BACH2: variants seen among roughly 807,000 people sequenced by gnomAD.
The protein encoded by BACH2 is BACH transcriptional regulator 2.
Under a neutral mutation model 61.8 loss-of-function variants are expected in BACH2, and 5 were observed. The ratio of observed to expected loss-of-function variants is 0.08; its 90% CI spans 0.04 to 0.17. BACH2 has a LOEUF of 0.17. BACH2 is among the 10% of genes least tolerant of loss of function. BACH2 has a pLI of 1.00. For synonymous variants in BACH2, 446 were observed against 440.1 expected, an observed-to-expected ratio of 1.01 and a Z score of -0.17; for missense variants, 824 against 1,091.1, an observed-to-expected ratio of 0.76 and a Z score of 3.45.
At chr6:90,025,165 G>A (rs1414754082) in intron 5 of BACH2, among the ~76,000 whole-genome samples, 1 of 152,230 alleles carries the variant, frequency 6.6e-6, no homozygotes, top group Non-Finnish European at 1.5e-5. Flanking sequence ...ATTACTGTTA[G>A]TGGTGGTTGG....
chr6:89,980,684 C>G (rs551245280), intron 6 of BACH2, among the ~76,000 whole-genome samples: 2 of 152,360 alleles, frequency 1.3e-5, no homozygotes, highest in Admixed American at 6.5e-5. Context: ...TATTAATAAC[C>G]TAACAGTGGA....
chr6:90,116,371 C>A (rs1783398825), intron 4 of BACH2, among the ~76,000 whole-genome samples: 1 of 152,098 alleles, frequency 6.6e-6, no homozygotes. Flanking sequence ...AGGCTATCAC[C>A]CTTAGCAAAC....
At chr6:90,263,060 C>T (rs1003939103) in intron 2 of BACH2, among the ~76,000 whole-genome samples, 1 of 152,114 alleles carries the variant, frequency 6.6e-6, no homozygotes, top group Non-Finnish European at 1.5e-5. Flanking sequence ...AATAAAAAAT[C>T]TCCATGGCCA....
intron 2 of BACH2, among the ~76,000 whole-genome samples, chr6:90,267,180 CAAATAATAT>C (rs756636196): frequency 1.3e-5 from 2 of 152,042 alleles, no homozygotes; most frequent in Non-Finnish European, 2.9e-5. Flanking sequence ...CTAAAACGAA[CAAATAATAT>C]AAACCCCAAC....
chr6:90,251,835 A>G (rs1460118033), intron 3 of BACH2, among the ~76,000 whole-genome samples: 1 of 152,212 alleles, frequency 6.6e-6, no homozygotes, highest in African/African-American at 2.4e-5. Context: ...ATTCAGGATG[A>G]TATGAGAACA....
rs546049196 is a variant in BACH2, at chr6:89,970,744, C to CT, written c.244-18883dup. Among the ~76,000 whole-genome samples the CT allele has an allele frequency of 9.0e-4, 137 of 152,260 alleles. 2 individuals carry two copies. The East Asian group carries it at 0.015, about 16-fold the overall frequency. ...CAAGCACTGCCGAGCTGGCTGGCTT[C>CT]TTTGTTCATATGCCCAGGCCCCCAC... On this transcript the variant is annotated intron_variant, in intron 6 of 8. Transcript: ENST00000257749.
chr6:90,286,934 A>G (rs941041915), intron 1 of BACH2, among the ~76,000 whole-genome samples: 2 of 152,224 alleles, frequency 1.3e-5, no homozygotes, highest in African/African-American at 4.8e-5. Context: ...ACACGGAGGT[A>G]TAACTAAACT....
At chr6:90,010,978 A>G (rs1777672496) in intron 5 of BACH2, among the ~76,000 whole-genome samples, 1 of 152,168 alleles carries the variant, frequency 6.6e-6, no homozygotes, top group Non-Finnish European at 1.5e-5. Context: ...ATTCTGAATA[A>G]AAGTCCTTTA....
At chr6:90,066,374 T>C (rs1160892854) in intron 5 of BACH2, among the ~76,000 whole-genome samples, 2 of 152,176 alleles carry the variant, frequency 1.3e-5, no homozygotes, top group South Asian at 4.2e-4. Context: ...GTGGGGGTGA[T>C]GAGGCAAAAT....
At chr6:90,016,394 A>T (rs1210544410) in intron 5 of BACH2, among the ~76,000 whole-genome samples, 1 of 152,052 alleles carries the variant, frequency 6.6e-6, no homozygotes, top group African/African-American at 2.4e-5. Flanking sequence ...TTTCATTTCA[A>T]TTATTGGCAT....
intron 5 of BACH2, among the ~76,000 whole-genome samples, chr6:90,037,611 G>T (rs1458117160): frequency 1.3e-5 from 2 of 152,060 alleles, no homozygotes; most frequent in Non-Finnish European, 1.5e-5. Flanking sequence ...CACTAAAACT[G>T]CATTAAAAGG....
intron 4 of BACH2, among the ~76,000 whole-genome samples, chr6:90,202,981 T>C (rs1769006436): frequency 6.6e-6 from 1 of 152,234 alleles, no homozygotes; most frequent in Non-Finnish European, 1.5e-5. Context: ...TATAGCATGA[T>C]AATGCAGCAG....
intron 4 of BACH2, among the ~76,000 whole-genome samples, chr6:90,198,495 G>A (rs575638780): frequency 1.1e-3 from 174 of 152,246 alleles, no homozygotes; most frequent in African/African-American, 3.9e-3. Context: ...TCTTCTCTGG[G>A]GCCTATAGGG....
At chr6:89,943,017 G>C (rs560799525) in intron 7 of BACH2, among the ~76,000 whole-genome samples, 7 of 152,154 alleles carry the variant, frequency 4.6e-5, no homozygotes, top group Admixed American at 2.0e-4. Flanking sequence ...TCGCTCTGTT[G>C]CCTAGGCTGG....
At chr6:90,175,128 C>T (rs1163533664) in intron 4 of BACH2, among the ~76,000 whole-genome samples, 1 of 151,954 alleles carries the variant, frequency 6.6e-6, no homozygotes, top group Non-Finnish European at 1.5e-5. Flanking sequence ...GTATGATATA[C>T]TTCATAATCT....
Position 89,950,805 on chromosome 6 carries a change from GAGA to G in BACH2, c.1298_1300del (p.Phe433del), listed in dbSNP as rs758730610. The G allele has an allele frequency of 2.5e-6, 4 of 1,614,152 alleles. No individual in the cohort carries two copies. Among genetic ancestry groups the G allele is most frequent in the Non-Finnish European group, 2.5e-6 (3 of 1,180,030 alleles). On this transcript the variant is annotated inframe_deletion, in exon 7 of 9. Transcript: ENST00000257749. The surrounding 1 kb of genome is among the most constrained non-coding windows in gnomAD (Gnocchi z 5.3). ...GCTCACTTGGTCACAAGCGCTGGAG[GAGA>G]AGATCACGCTCCTCCGGTCCAGCTC...
chr6:89,940,252 C>G (rs1049429079), intron 7 of BACH2, among the ~76,000 whole-genome samples: 1 of 152,144 alleles, frequency 6.6e-6, no homozygotes, highest in South Asian at 2.1e-4. Context: ...TCAAGTGATC[C>G]GCCCGCCTTG....
At chr6:89,969,210 C>T (rs185788686) in intron 6 of BACH2, among the ~76,000 whole-genome samples, 5 of 151,878 alleles carry the variant, frequency 3.3e-5, no homozygotes, top group African/African-American at 7.2e-5. Context: ...TGTGTCACCA[C>T]GCCCAGCTAA....
intron 6 of BACH2, among the ~76,000 whole-genome samples, chr6:89,983,440 A>G (rs1318997523): frequency 6.6e-6 from 1 of 152,194 alleles, no homozygotes; most frequent in Admixed American, 6.5e-5. Flanking sequence ...AGGCAGAGGC[A>G]GGCAGATCAC....
Sources: allele counts gnomAD v4.1 joint callset (sites outside exome capture counted in the v4.1 genomes callset), GRCh38; gene constraint gnomAD v4.1.1; non-coding constraint Gnocchi (gnomAD v3.1); transcripts MANE v1.5; gene names NCBI Gene and HGNC (gene_info 2026-07-23, HGNC 2026-07-21).